The following EPHB1 variants were observed in gnomAD, a reference collection of about 807,000 sequenced individuals.
The protein encoded by EPHB1 is ephrin type-B receptor 1.
In EPHB1, 30 loss-of-function variants were observed where a neutral mutation model predicts 94.4. That is an observed-to-expected ratio of 0.32 (90% CI 0.24 to 0.43). The LOEUF is 0.43. Among genes scored for constraint, EPHB1 ranks in the 20% least tolerant of loss-of-function variants. The pLI is 1.00. For synonymous variants in EPHB1, 522 were observed against 489.1 expected (o/e 1.07, Z -0.89); for missense variants, 1,055 against 1,308.3 (o/e 0.81, Z 2.99).
chr3:135,050,233 AT>A (rs1223276358), intron 3 of EPHB1, among the ~76,000 whole-genome samples: 1 of 152,164 alleles, frequency 6.6e-6, no homozygotes, highest in Non-Finnish European at 1.5e-5. Flanking sequence ...GCTTTATTTG[AT>A]GACTTTAGAT....
At chr3:135,223,332 A>G (rs1333559421) in intron 12 of EPHB1, among the ~76,000 whole-genome samples, 1 of 152,172 alleles carries the variant, frequency 6.6e-6, no homozygotes, top group Admixed American at 6.5e-5. Context: ...CCTTGCTTCA[A>G]CCACAGCAGC....
Position 134,943,754 on chromosome 3 carries a change from G to A in EPHB1, c.124-7617G>A, listed in dbSNP as rs146574615. On this transcript the variant is annotated intron_variant, in intron 2 of 15. Transcript: ENST00000398015. ...GGCATCATTCATAACATGTTTGATT[G>A]AATGAATGATTGGCACTTGGGATAC... Among the ~76,000 whole-genome samples the A allele has an allele frequency of 2.8e-4, 42 of 152,242 alleles. 1 individual carries two copies. The East Asian group carries it at 4.4e-3, about 16-fold the overall frequency.
chr3:135,230,370 T>C (rs1242620104), intron 12 of EPHB1, among the ~76,000 whole-genome samples: 1 of 152,056 alleles, frequency 6.6e-6, no homozygotes, highest in Non-Finnish European at 1.5e-5. Context: ...ATGCTGGCTC[T>C]CTCTGTTCAT....
rs370012620 is a variant in EPHB1, at chr3:134,878,902, T to C, written c.59-46914T>C. Among the ~76,000 whole-genome samples the C allele has an allele frequency of 1.7e-4, 26 of 152,352 alleles. No individual in the cohort carries two copies. The South Asian group carries it at 5.4e-3, about 32-fold the overall frequency. On this transcript the variant is annotated intron_variant, in intron 1 of 15. Coordinates refer to ENST00000398015, the MANE Select transcript of EPHB1 (RefSeq NM_004441.5). ...TTGATGAAAAAAATAACACTCGCTC[T>C]TACTAAAATCTAAAGCCTGCTCTCT...
intron 2 of EPHB1, among the ~76,000 whole-genome samples, chr3:134,934,662 A>G (rs1458482899): frequency 6.9e-6 from 1 of 145,084 alleles, no homozygotes; most frequent in Non-Finnish European, 1.5e-5. Flanking sequence ...GCAGAAATAT[A>G]TTGGATATGA....
intron 3 of EPHB1, among the ~76,000 whole-genome samples, chr3:135,001,103 T>A (rs1158498258): frequency 1.3e-5 from 2 of 152,128 alleles, no homozygotes; most frequent in African/African-American, 4.8e-5. Context: ...CCTGATTGAG[T>A]GCTGATCCTC....
intron 2 of EPHB1, among the ~76,000 whole-genome samples, chr3:134,942,892 G>A (rs1407572507): frequency 6.6e-6 from 1 of 152,216 alleles, no homozygotes; most frequent in Non-Finnish European, 1.5e-5. Flanking sequence ...CCTGGTAGCA[G>A]AAACCAAAGT....
At chr3:135,185,055 G>T (rs1415396329) in intron 10 of EPHB1, among the ~76,000 whole-genome samples, 1 of 152,236 alleles carries the variant, frequency 6.6e-6, no homozygotes, top group East Asian at 1.9e-4. Context: ...ACTAGAAGTT[G>T]TTGGCAGAAG....
chr3:135,000,455 C>T (rs1229145008), intron 3 of EPHB1, among the ~76,000 whole-genome samples: 1 of 152,230 alleles, frequency 6.6e-6, no homozygotes, highest in Admixed American at 6.5e-5. Flanking sequence ...GATTAAGTGA[C>T]AGCTGAAGCC....
At chr3:135,119,192 T>G (rs1334162392) in intron 4 of EPHB1, among the ~76,000 whole-genome samples, 1 of 152,212 alleles carries the variant, frequency 6.6e-6, no homozygotes, top group African/African-American at 2.4e-5. Context: ...ACCCTTGCCT[T>G]TTTCTATATT....
chr3:135,150,587 C>A (rs765440600), intron 5 of EPHB1, among the ~76,000 whole-genome samples: 1 of 152,170 alleles, frequency 6.6e-6, no homozygotes. Flanking sequence ...ATTCTGTCCT[C>A]CTGGGAGCAC....
At chr3:135,060,896 A>AT (rs575388733) in intron 3 of EPHB1, among the ~76,000 whole-genome samples, 54 of 145,766 alleles carry the variant, frequency 3.7e-4, no homozygotes, top group Middle Eastern at 3.6e-3. Context: ...CATTCTTTCT[A>AT]TTTTTTTTTT....
At chr3:135,042,587 T>A (rs1936886782) in intron 3 of EPHB1, among the ~76,000 whole-genome samples, 1 of 152,206 alleles carries the variant, frequency 6.6e-6, no homozygotes, top group African/African-American at 2.4e-5. Flanking sequence ...GGGCTGCCCC[T>A]CCTGCAGTGC....
Position 135,088,765 on chromosome 3 carries a change from G to C in EPHB1, c.806-17683G>C, listed in dbSNP as rs1938452638. Among the ~76,000 whole-genome samples the C allele has an allele frequency of 2.6e-5, 4 of 152,166 alleles. No homozygotes were observed. In the South Asian group the frequency reaches 8.3e-4, roughly 32 times the overall value. On this transcript the variant is annotated intron_variant, in intron 3 of 15. Coordinates refer to ENST00000398015, the MANE Select transcript of EPHB1 (RefSeq NM_004441.5). ...AAGCCAATACTCATGCATTATCAAA[G>C]CTTGATGGGAATGTCCCATATGGTA...
intron 3 of EPHB1, among the ~76,000 whole-genome samples, chr3:135,006,636 T>C (rs560516254): frequency 6.6e-6 from 1 of 152,148 alleles, no homozygotes; most frequent in African/African-American, 2.4e-5. Flanking sequence ...TCAAGTGCAG[T>C]CTGGGCAACA....
intron 3 of EPHB1, among the ~76,000 whole-genome samples, chr3:135,026,752 A>C (rs1936190828): frequency 7.3e-6 from 1 of 136,396 alleles, no homozygotes; most frequent in South Asian, 2.5e-4. Flanking sequence ...TCTGTGAAGA[A>C]AGGCATTGGT....
intron 3 of EPHB1, among the ~76,000 whole-genome samples, chr3:135,011,931 T>C (rs1036703410): frequency 1.9e-4 from 29 of 151,856 alleles, no homozygotes; most frequent in African/African-American, 7.0e-4. Context: ...GAATAGGGTA[T>C]AGAAAAACTG....
intron 1 of EPHB1, among the ~76,000 whole-genome samples, chr3:134,863,916 C>A (rs1004398584): frequency 2.6e-5 from 4 of 152,220 alleles, no homozygotes; most frequent in Non-Finnish European, 2.9e-5. Flanking sequence ...TTGGCTACAT[C>A]CTCTTCACAG....
At chr3:134,833,088 C>T (rs1304049239) in intron 1 of EPHB1, among the ~76,000 whole-genome samples, 13 of 152,304 alleles carry the variant, frequency 8.5e-5, no homozygotes, top group African/African-American at 3.1e-4. Context: ...CCCTTGGTCA[C>T]CTGATCCCAG....
Sources: allele counts gnomAD v4.1 joint callset (sites outside exome capture counted in the v4.1 genomes callset), GRCh38; gene constraint gnomAD v4.1.1; transcripts MANE v1.5; gene names NCBI Gene and HGNC (gene_info 2026-07-23, HGNC 2026-07-21).